Variants in SH3BGRL2 observed in about 807,000 individuals in gnomAD.
SH3BGRL2 encodes SH3 domain binding glutamate rich protein like 2, also known as SH3 domain-binding glutamic acid-rich-like protein 2.
In SH3BGRL2, 21 loss-of-function variants were observed where a neutral mutation model predicts 14.8. That is an observed-to-expected ratio of 1.42 (90% CI 1.01 to 2.05). SH3BGRL2 has a LOEUF of 2.05. Ranked by LOEUF, SH3BGRL2 falls within the 30% of genes most tolerant of loss-of-function variation. The probability of loss-of-function intolerance (pLI) is 0.00; values close to 1 mark genes in which losing one functional copy is unlikely to be tolerated. For missense variants in SH3BGRL2, 147 were observed against 130.8 expected (o/e 1.12, Z -0.61); for synonymous variants, 50 against 47.8 (o/e 1.05, Z -0.19).
At chr6:79,546,883 T>C in the SH3BGRL2 span, among the ~76,000 whole-genome samples, 46 of 152,030 alleles carry the variant, frequency 3.0e-4, no homozygotes, top group East Asian at 2.1e-3. Context: ...GGTTTCACCA[T>C]GTTGGCCAGG....
intron 1 of SH3BGRL2, among the ~76,000 whole-genome samples, chr6:79,660,226 A>G (rs1769515603): frequency 6.6e-6 from 1 of 152,200 alleles, no homozygotes; most frequent in South Asian, 2.1e-4. Context: ...CCAGTTTTCA[A>G]AGGGAATGCT....
chr6:79,638,667 C>T (rs1768972900), intron 1 of SH3BGRL2, among the ~76,000 whole-genome samples: 1 of 152,060 alleles, frequency 6.6e-6, no homozygotes, highest in South Asian at 2.1e-4. Flanking sequence ...ATTTCATTAT[C>T]ATTTTGATTT....
the SH3BGRL2 span, among the ~76,000 whole-genome samples, chr6:79,575,733 T>A: frequency 6.6e-6 from 1 of 152,140 alleles, no homozygotes; most frequent in Non-Finnish European, 1.5e-5. Context: ...TAAACTTTCA[T>A]GTTACTCAAC....
chr6:79,595,365 GA>G, the SH3BGRL2 span, among the ~76,000 whole-genome samples: 8 of 152,072 alleles, frequency 5.3e-5, no homozygotes, highest in African/African-American at 1.9e-4. Flanking sequence ...AAATTTGGGG[GA>G]AATATTGGCT....
the SH3BGRL2 span, among the ~76,000 whole-genome samples, chr6:79,606,741 C>T: frequency 1.6e-4 from 24 of 152,082 alleles, no homozygotes; most frequent in Non-Finnish European, 2.9e-4. Context: ...TTTATTTATA[C>T]ATTAAGATCT....
chr6:79,702,300 T>G lies in SH3BGRL2; in HGVS notation c.*2791T>G, dbSNP rs1474499738. The stretch of plus-strand genomic sequence containing the variant: ...CCCGTTATTGAAAAGTACCAAAGCT[T>G]CTTTCTGTTGTGTTTGATTTTACTA... On this transcript the variant is annotated 3_prime_UTR_variant, in exon 4 of 4. Transcript: ENST00000369838. 1 of 152,578 alleles carries G rather than the reference T, an allele frequency of 6.6e-6. No homozygotes were observed. The highest frequency in any genetic ancestry group is 1.5e-5 in the Non-Finnish European group (1 of 68,022). 9.5% of individuals were successfully genotyped at this position (152,578 alleles called of 1,614,324 possible).
the SH3BGRL2 span, among the ~76,000 whole-genome samples, chr6:79,617,428 T>A: frequency 1.3e-5 from 2 of 152,182 alleles, no homozygotes; most frequent in Non-Finnish European, 2.9e-5. Flanking sequence ...CCTAAGAGAA[T>A]GAACAATCAC....
chr6:79,606,149 C>T, the SH3BGRL2 span, among the ~76,000 whole-genome samples: 5 of 152,142 alleles, frequency 3.3e-5, no homozygotes, highest in South Asian at 1.0e-3. Flanking sequence ...GAAGCACTCC[C>T]AAGCCACCTG....
At chr6:79,684,015 A>AAAAC (rs770414061) in intron 2 of SH3BGRL2, among the ~76,000 whole-genome samples, 4 of 152,204 alleles carry the variant, frequency 2.6e-5, no homozygotes, top group African/African-American at 9.6e-5. Flanking sequence ...GTCAGTGAGG[A>AAAAC]AAACAAACAA....
the SH3BGRL2 span, among the ~76,000 whole-genome samples, chr6:79,576,012 C>G: frequency 6.6e-6 from 1 of 151,664 alleles, no homozygotes; most frequent in Non-Finnish European, 1.5e-5. Context: ...TAGTAATTAC[C>G]CTTTATTGTT....
At chr6:79,564,980 G>A in the SH3BGRL2 span, among the ~76,000 whole-genome samples, 1 of 151,990 alleles carries the variant, frequency 6.6e-6, no homozygotes, top group African/African-American at 2.4e-5. Flanking sequence ...ATTTCCCCTG[G>A]CAGAAGAACA....
intron 1 of SH3BGRL2, among the ~76,000 whole-genome samples, chr6:79,648,918 G>A (rs1456336172): frequency 3.3e-5 from 5 of 152,144 alleles, no homozygotes; most frequent in Non-Finnish European, 5.9e-5. Flanking sequence ...TAACTTTATT[G>A]TAGAATTCTA....
At chr6:79,593,929 G>A in the SH3BGRL2 span, among the ~76,000 whole-genome samples, 1 of 151,780 alleles carries the variant, frequency 6.6e-6, no homozygotes, top group Non-Finnish European at 1.5e-5. Flanking sequence ...GGAGGCTGAG[G>A]CAGGAGAATA....
chr6:79,568,811 G>T, the SH3BGRL2 span, among the ~76,000 whole-genome samples: 13 of 152,094 alleles, frequency 8.5e-5, no homozygotes, highest in East Asian at 2.5e-3. Flanking sequence ...TGGTAGGTGG[G>T]AGCAGGCTTA....
At chr6:79,548,999 C>T in the SH3BGRL2 span, among the ~76,000 whole-genome samples, 1 of 152,110 alleles carries the variant, frequency 6.6e-6, no homozygotes, top group African/African-American at 2.4e-5. Flanking sequence ...AACAAAATGG[C>T]TGAAACCAAG....
chr6:79,556,878 A>T, the SH3BGRL2 span, among the ~76,000 whole-genome samples: 5 of 151,996 alleles, frequency 3.3e-5, no homozygotes, highest in Non-Finnish European at 7.4e-5. Flanking sequence ...TATAATAAAT[A>T]TGCAAAAACA....
chr6:79,552,181 T>G, the SH3BGRL2 span, among the ~76,000 whole-genome samples: 1 of 152,206 alleles, frequency 6.6e-6, no homozygotes, highest in Admixed American at 6.5e-5. Context: ...GGTCCTCTTA[T>G]GAGGAGAAAG....
intron 3 of SH3BGRL2, among the ~76,000 whole-genome samples, chr6:79,697,718 C>T (rs1770362392): frequency 6.6e-6 from 1 of 152,162 alleles, no homozygotes; most frequent in African/African-American, 2.4e-5. Context: ...AAAGATGGAA[C>T]ATTTGAATAC....
rs560088334 is a variant in SH3BGRL2 at position 79,641,979 on chromosome 6, G to A, written c.45+10473G>A. ...CCATTAGTTAGAGTTCTGCTGTAAT[G>A]TTTGGATATTTTATAGGTACATGGC... is the stretch of plus-strand genomic sequence containing the variant. On this transcript the variant is annotated intron_variant, in intron 1 of 3. Coordinates refer to ENST00000369838, the MANE Select transcript of SH3BGRL2 (RefSeq NM_031469.4). Among the ~76,000 whole-genome samples the A allele has an allele frequency of 3.3e-5, 5 of 152,274 alleles. No individual in the cohort carries two copies. The South Asian group carries it at 1.0e-3, about 32-fold the overall frequency.
Sources: gnomAD v4.1 joint callset for allele counts (sites outside exome capture counted in the v4.1 genomes callset) on GRCh38, gnomAD v4.1.1 for gene constraint, MANE v1.5 for transcripts, NCBI Gene and HGNC (gene_info 2026-07-23, HGNC 2026-07-21) for gene names.